The following MAZ variants were observed in gnomAD, a reference collection of about 807,000 sequenced individuals.
MAZ encodes MYC associated zinc finger protein.
In MAZ, 4 loss-of-function variants were observed where a neutral mutation model predicts 32.7. The observed-to-expected ratio is 0.12, with a 90% confidence interval of 0.06 to 0.28. MAZ has a LOEUF of 0.28. Ranked by LOEUF, MAZ falls within the 10% of genes least tolerant of loss-of-function variation. The pLI is 1.00. For synonymous variants in MAZ, 510 were observed against 297.6 expected (o/e 1.71, Z -7.35); for missense variants, 763 against 667.2 (o/e 1.14, Z -1.58).
At chr16:29,809,930 T>TGA in intron 4 of MAZ, 147 bp from the exon 5 acceptor site, 2 of 1,333,864 alleles carry the variant, frequency 1.5e-6, no homozygotes, top group Non-Finnish European at 2.1e-6. Context: ...TCTGTCTGGG[T>TGA]GAGGATGCAG....
At position 29,810,098 on chromosome 16, in the gene MAZ, T is replaced by TGGCGGC. The variant is rs750443159; in HGVS notation, c.1305_1310dup (p.Ala447_Ala448dup). 9.1e-5 allele frequency: 147 copies of TGGCGGC among 1,607,760 alleles called. No homozygotes were observed. The highest frequency in any genetic ancestry group is 6.9e-4 in the Middle Eastern group (4 of 5,802). ...GCAGGTACTGGTGAGGTTTGTCCAATGGCGGCGGCAGCGGCAGCGGCGGCA... is the reference window on the plus strand; with the variant it reads ...GCAGGTACTGGTGAGGTTTGTCCAATGGCGGCGGCGGCGGCAGCGGCAGCGGCGGCA... On this transcript the variant is annotated inframe_insertion, in exon 5 of 5. Transcript: ENST00000322945.
Position 29,810,675 on chromosome 16 carries a change from T to TG in MAZ, c.*444_*445insG. The TG allele has an allele frequency of 4.1e-6, 2 of 489,530 alleles. No individual in the cohort carries two copies. Among genetic ancestry groups the TG allele is most frequent in the Non-Finnish European group, 7.5e-6 (2 of 267,736 alleles). The allele number at this position is 489,530 out of a possible 1,614,324, so 30.3% of individuals were successfully genotyped here. A position where few individuals can be genotyped will look rare whatever the true frequency, so the allele number is the denominator to read the frequency against. On this transcript the variant is annotated 3_prime_UTR_variant, in exon 5 of 5. Transcript: ENST00000322945. ...TGCTTTCTTTTCCTTTTTTTTTTTTTTCCAGGGGGAGGGAGGAGAGGAAGG... is the reference window on the plus strand; with the variant it reads ...TGCTTTCTTTTCCTTTTTTTTTTTTTGTCCAGGGGGAGGGAGGAGAGGAAGG...
intron 4 of MAZ, 112 bp from the exon 5 acceptor site, chr16:29,809,965 G>A: frequency 6.6e-7 from 1 of 1,506,702 alleles, no homozygotes; most frequent in Non-Finnish European, 8.9e-7. Context: ...GGTCCAGATA[G>A]GAAGTGAGCA....
chr16:29,807,275 G>T lies in MAZ; in HGVS notation c.490G>T (p.Val164Phe). 6.7e-7 allele frequency: 1 copy of T among 1,497,220 alleles called. No individual in the cohort carries two copies. Among genetic ancestry groups the T allele is most frequent in the Non-Finnish European group, 8.9e-7 (1 of 1,125,682 alleles). 92.7% of individuals were successfully genotyped at this position (1,497,220 alleles called of 1,614,324 possible). A position where few individuals can be genotyped will look rare whatever the true frequency, so the allele number is the denominator to read the frequency against. Residue 164 changes from valine (V) to phenylalanine (F), a missense_variant, in exon 2 of 5, where the codon GTC (valine) becomes TTC (phenylalanine). Transcript: ENST00000322945. ...TATCGCCGCGGCGGCGGCCACCGCCGTCGTAGCCCCAACCTCGACGGTCGC... is the reference window on the plus strand; with the variant it reads ...TATCGCCGCGGCGGCGGCCACCGCCTTCGTAGCCCCAACCTCGACGGTCGC... ...ATIAAAAATA[V>F]VAPTSTVAVA...
Position 29,807,508 on chromosome 16 carries a change from G to A in MAZ, c.723G>A (p.Leu241=). ...TGAGCCTCCTGAGCGTGCCCCAGCT[G>A]AGCGGAGCCGGCGGGGGAGGGGGAG... ...VPLSLLSVPQ[L]SGAGGGGGEA... The change falls in exon 2 of 5, where the codon CTG becomes CTA. Residue 241 remains leucine, a synonymous_variant. Transcript: ENST00000322945. 1.2e-6 allele frequency: 2 copies of A among 1,610,902 alleles called. No individual in the cohort carries two copies. Among genetic ancestry groups the A allele is most frequent in the South Asian group, 1.1e-5 (1 of 91,010 alleles).
At chr16:29,809,380 C>T (rs899960869) in intron 4 of MAZ, 5 of 613,730 alleles carry the variant, frequency 8.1e-6, no homozygotes, top group Middle Eastern at 4.2e-4. Context: ...GGGGCTGTGT[C>T]TACCAGCCCC....
In MAZ at chr16:29,806,603, C is replaced by T; in HGVS notation, c.-99C>T. The T allele has an allele frequency of 1.0e-6, 1 of 967,158 alleles. No individual in the cohort carries two copies. The highest frequency in any genetic ancestry group is 1.2e-6 in the Non-Finnish European group (1 of 819,104). The allele number at this position is 967,158 out of a possible 1,614,324, so 59.9% of individuals were successfully genotyped here. A position where few individuals can be genotyped will look rare whatever the true frequency, so the allele number is the denominator to read the frequency against. On this transcript the variant is annotated 5_prime_UTR_variant, in exon 1 of 5. Coordinates refer to ENST00000322945, the MANE Select transcript of MAZ (RefSeq NM_002383.4). ...CGCGGGCCATGCGTTCGGCGCGGCC[C>T]AGCCCGGCCGGCCGGGGGCGGCGCC...
chr16:29,808,974 G>A, intron 4 of MAZ: 1 of 567,030 alleles, frequency 1.8e-6, no homozygotes, highest in Non-Finnish European at 3.1e-6. Context: ...GTAATGTGTG[G>A]GGAAAGCGGG....
chr16:29,810,612 C>T lies in MAZ; in HGVS notation c.*381C>T, dbSNP rs759302895. ...GGTCCTCTTCTCTCCTTCCAGTCCT[C>T]TCCCCCTGCTGTCTGCAGCCCCTCC... On this transcript the variant is annotated 3_prime_UTR_variant, in exon 5 of 5. Coordinates refer to ENST00000322945, the MANE Select transcript of MAZ (RefSeq NM_002383.4). The T allele has an allele frequency of 3.7e-5, 24 of 653,200 alleles. No individual in the cohort carries two copies. The highest frequency in any genetic ancestry group is 6.7e-5 in the Non-Finnish European group (24 of 357,972). The allele number at this position is 653,200 out of a possible 1,614,324, so 40.5% of individuals were successfully genotyped here. A position where few individuals can be genotyped will look rare whatever the true frequency, so the allele number is the denominator to read the frequency against.
Position 29,807,100 on chromosome 16 carries a change from T to C in MAZ, c.315T>C (p.Ala105=). 1 of 988,230 alleles carries C rather than the reference T, an allele frequency of 1.0e-6. No individual in the cohort carries two copies. Among genetic ancestry groups the C allele is most frequent in the Non-Finnish European group, 1.2e-6 (1 of 821,734 alleles). The allele number at this position is 988,230 out of a possible 1,614,324, so 61.2% of individuals were successfully genotyped here. A position where few individuals can be genotyped will look rare whatever the true frequency, so the allele number is the denominator to read the frequency against. The change falls in exon 2 of 5, where the codon GCT becomes GCC. Residue 105 remains alanine, a synonymous_variant. Transcript: ENST00000322945. ...SAAAAAAAAA[A]AAAVAAAPPA... is the part of the protein sequence containing the mutation. ...CGGCTGCTGCGGCCGCTGCCGCCGC[T>C]GCTGCCGCCGTCGCTGCCGCGCCCC...
intron 1 of MAZ, 27 bp downstream of exon 1, chr16:29,806,920 G>A: frequency 3.2e-6 from 4 of 1,255,644 alleles, no homozygotes; most frequent in Non-Finnish European, 4.1e-6. Flanking sequence ...GCGGCGGCCC[G>A]GGCTGGGGGG....
In MAZ at chr16:29,810,300, C is replaced by T. The variant is rs542642543; in HGVS notation, c.*69C>T. On this transcript the variant is annotated 3_prime_UTR_variant, in exon 5 of 5. Transcript: ENST00000322945. ...CCCTTGGTACAAGCTCCTCTCCCCCCTCTTTTCCCACCAACTCCTATTTCC... is the reference window on the plus strand; with the variant it reads ...CCCTTGGTACAAGCTCCTCTCCCCCTTCTTTTCCCACCAACTCCTATTTCC... The T allele has an allele frequency of 8.9e-6, 13 of 1,453,426 alleles. No homozygotes were observed. Among genetic ancestry groups the T allele is most frequent in the South Asian group, 4.9e-5 (4 of 82,332 alleles). 90.0% of individuals were successfully genotyped at this position (1,453,426 alleles called of 1,614,324 possible).
At chr16:29,808,341 C>T (rs1481811104) in intron 3 of MAZ, 48 bp downstream of exon 3, 15 of 1,561,586 alleles carry the variant, frequency 9.6e-6, no homozygotes, top group Middle Eastern at 1.7e-4. Flanking sequence ...TTTTGATCCT[C>T]ATGGTAGCTG....
Position 29,807,059 on chromosome 16 carries a change from G to A in MAZ, c.274G>A (p.Ala92Thr). The A allele has an allele frequency of 2.0e-6, 2 of 1,020,838 alleles. No individual in the cohort carries two copies. The highest frequency in any genetic ancestry group is 2.3e-6 in the Non-Finnish European group (2 of 857,576). 63.2% of individuals were successfully genotyped at this position (1,020,838 alleles called of 1,614,324 possible). A position where few individuals can be genotyped will look rare whatever the true frequency, so the allele number is the denominator to read the frequency against. Residue 92 changes from alanine to threonine, a missense_variant, in exon 2 of 5, where the codon GCC (alanine) becomes ACC (threonine). Coordinates refer to ENST00000322945, the MANE Select transcript of MAZ (RefSeq NM_002383.4). ...GGACTTGCTCCCGGTGCTCGCCGCCGCCCAGGAGTCCGCCGCGGCTGCTGC... is the reference window on the plus strand; with the variant it reads ...GGACTTGCTCCCGGTGCTCGCCGCCACCCAGGAGTCCGCCGCGGCTGCTGC... ...QVDLLPVLAAAQESAAAAAAA... is the reference protein window; with the variant it reads ...QVDLLPVLAATQESAAAAAAA...
In MAZ at chr16:29,810,193, C is replaced by A. The variant is rs1165680570; in HGVS notation, c.1396C>A (p.Pro466Thr). 9.3e-6 allele frequency: 15 copies of A among 1,604,698 alleles called. No homozygotes were observed. Among genetic ancestry groups the A allele is most frequent in the Non-Finnish European group, 1.3e-5 (15 of 1,175,906 alleles). Residue 466 changes from proline to threonine, a missense_variant, in exon 5 of 5, where the codon CCT (proline) becomes ACT (threonine). Physicochemically the swap from Pro to Thr is conservative, Grantham distance 38. Transcript: ENST00000322945. ...CTCCCTCTCGGGGGCGGAGGGGGTG[C>A]CTGTGAGCTCTCAGCCACTTCCCTC... ...VGSLSGAEGV[P>T]VSSQPLPSQP... is the part of the protein sequence containing the mutation.
intron 4 of MAZ, chr16:29,809,844 CAGGA>C: frequency 1.0e-6 from 1 of 977,278 alleles, no homozygotes; most frequent in Non-Finnish European, 1.5e-6. Flanking sequence ...TAGGGGATCT[CAGGA>C]AGGCGAGGGA....
chr16:29,808,098 C>T (rs1899647795), intron 2 of MAZ, 132 bp from the exon 3 acceptor site: 2 of 992,300 alleles, frequency 2.0e-6, no homozygotes, highest in Admixed American at 2.2e-5. Context: ...GAGGGATTTC[C>T]TGCTTAAGTG....
chr16:29,806,927 G>A (rs754567940), intron 1 of MAZ, 34 bp downstream of exon 1: 12 of 1,241,296 alleles, frequency 9.7e-6, no homozygotes, highest in East Asian at 4.1e-5. Flanking sequence ...CCCGGGCTGG[G>A]GGGGGACGCC....
chr16:29,810,529 T>C lies in MAZ; in HGVS notation c.*298T>C, dbSNP rs1899886449. 1.4e-6 allele frequency: 1 copy of C among 700,972 alleles called. No individual in the cohort carries two copies. The highest frequency in any genetic ancestry group is 1.8e-5 in the African/African-American group (1 of 57,104). The allele number at this position is 700,972 out of a possible 1,614,324, so 43.4% of individuals were successfully genotyped here. On this transcript the variant is annotated 3_prime_UTR_variant, in exon 5 of 5. Transcript: ENST00000322945. Reference sequence around the variant, plus strand: ...GAGCAGCCACTGCCCGTACCCCCTCTCCTCTCTGTAAGCCCATGCCCTGTC... The same window carrying C: ...GAGCAGCCACTGCCCGTACCCCCTCCCCTCTCTGTAAGCCCATGCCCTGTC...
Sources: allele counts gnomAD v4.1 joint callset, GRCh38; gene constraint gnomAD v4.1.1; transcripts MANE v1.5; gene names NCBI Gene and HGNC (gene_info 2026-07-23, HGNC 2026-07-21).